The following SATB2 variants were observed in gnomAD, a reference collection of about 807,000 sequenced individuals.
The protein encoded by SATB2 is DNA-binding protein SATB2.
In SATB2, 1 loss-of-function variant was observed where a neutral mutation model predicts 73.4. That is an observed-to-expected ratio of 0.01 (90% CI 0.00 to 0.06). SATB2 has a LOEUF of 0.06. Among genes scored for constraint, SATB2 ranks in the 10% least tolerant of loss-of-function variants. SATB2 has a pLI of 1.00. For missense variants in SATB2, 459 were observed against 945.8 expected, an observed-to-expected ratio of 0.49 and a Z score of 6.75; for synonymous variants, 397 against 367.0, an observed-to-expected ratio of 1.08 and a Z score of -0.93.
intron 2 of SATB2, among the ~76,000 whole-genome samples, chr2:199,434,041 G>A (rs191271512): frequency 4.3e-4 from 66 of 152,068 alleles, no homozygotes; most frequent in African/African-American, 1.4e-3. Context: ...AGGTGGTATT[G>A]ATTTTAAGGC....
chr2:199,281,492 C>CACACACAG (rs750240257), intron 10 of SATB2, among the ~76,000 whole-genome samples: 1 of 151,730 alleles, frequency 6.6e-6, no homozygotes, highest in Admixed American at 6.6e-5. Flanking sequence ...TACACACACA[C>CACACACAG]ACAATTTTTT....
rs550825645 is a variant in SATB2 at position 199,391,325 on chromosome 2, T to G, written c.347-9505A>C. ...GTGGGCGCCTGTAGTCCCAGCTACT[T>G]GGGAGGCTGAGGCAGGAGAATGGCG... On this transcript the variant is annotated intron_variant, in intron 3 of 10. Transcript: ENST00000417098. 3.4e-5 allele frequency among the ~76,000 whole-genome samples: 5 copies of G among 147,888 alleles called. No homozygotes were observed. In the South Asian group the frequency reaches 1.1e-3, roughly 31 times the overall value.
At chr2:199,298,999 C>T (rs1362237784) in intron 10 of SATB2, among the ~76,000 whole-genome samples, 2 of 152,136 alleles carry the variant, frequency 1.3e-5, no homozygotes, top group African/African-American at 4.8e-5. Flanking sequence ...ACCTAACCTT[C>T]CAAGGACCAC....
At position 199,456,027 on chromosome 2, in the gene SATB2, C is replaced by T. The variant is rs1463296675; in HGVS notation, c.11G>A (p.Arg4Gln). ...GTCCCGCAGACACGGGCTCTCGCTC[C>T]GCCGCTCCATGCTGCTCCGACTCGG... The part of the protein sequence containing the change: MER[R>Q]SESPCLRDSP... The change falls in exon 2 of 11, where the codon CGG becomes CAG. Residue 4 changes from arginine to glutamine, a missense_variant. Physicochemically the swap from Arg to Gln is conservative, Grantham distance 43. Coordinates refer to ENST00000417098, the MANE Select transcript of SATB2 (RefSeq NM_001172509.2). 2.6e-6 allele frequency: 4 copies of T among 1,545,236 alleles called. No homozygotes were observed. Among genetic ancestry groups the T allele is most frequent in the Non-Finnish European group, 3.5e-6 (4 of 1,150,882 alleles).
intron 8 of SATB2, among the ~76,000 whole-genome samples, chr2:199,327,026 T>C (rs1164307890): frequency 6.6e-6 from 1 of 152,218 alleles, no homozygotes; most frequent in Non-Finnish European, 1.5e-5. Context: ...TAGGATACAA[T>C]TCTGCTTCTA....
chr2:199,359,296 A>G (rs1689071030), intron 6 of SATB2, among the ~76,000 whole-genome samples: 1 of 152,194 alleles, frequency 6.6e-6, no homozygotes, highest in African/African-American at 2.4e-5. Flanking sequence ...ACTAGCTGTG[A>G]AAACCTCAAA....
At chr2:199,466,760 G>A (rs1692600851), upstream of SATB2, among the ~76,000 whole-genome samples, 1 of 152,184 alleles carries the variant, frequency 6.6e-6, no homozygotes, top group South Asian at 2.1e-4. Context: ...TTTCAGTTGA[G>A]CTATTTTCTG....
chr2:199,319,067 C>T (rs1017453682), intron 9 of SATB2, among the ~76,000 whole-genome samples: 6 of 151,034 alleles, frequency 4.0e-5, no homozygotes, highest in Admixed American at 1.3e-4. Flanking sequence ...TCCACTTAAT[C>T]CTAATGTACA....
At chr2:199,277,852 A>C (rs1291746094) in intron 10 of SATB2, among the ~76,000 whole-genome samples, 1 of 152,166 alleles carries the variant, frequency 6.6e-6, no homozygotes, top group Admixed American at 6.5e-5. Flanking sequence ...TGATGGGAAA[A>C]CTGGAGTTCC....
At chr2:199,432,767 C>T (rs1229239165) in intron 3 of SATB2, among the ~76,000 whole-genome samples, 2 of 151,974 alleles carry the variant, frequency 1.3e-5, no homozygotes, top group African/African-American at 4.8e-5. Flanking sequence ...CAGTATTGTA[C>T]AATACGCACT....
chr2:199,333,029 C>T (rs1038634771), intron 7 of SATB2, among the ~76,000 whole-genome samples: 3 of 152,028 alleles, frequency 2.0e-5, no homozygotes, highest in Admixed American at 1.3e-4. Context: ...CTGTTCTTTA[C>T]GGCTCTCAGA....
upstream of SATB2, among the ~76,000 whole-genome samples, chr2:199,467,001 T>C (rs1176829008): frequency 6.6e-6 from 1 of 152,262 alleles, no homozygotes; most frequent in Admixed American, 6.5e-5. Context: ...GAAACTCAGA[T>C]AGAATCACAT....
chr2:199,271,596 A>C lies in SATB2; in HGVS notation c.*615T>G, dbSNP rs186107760. On this transcript the variant is annotated 3_prime_UTR_variant, in exon 11 of 11. Transcript: ENST00000417098. ...AATCAGGGACAAACACAAAAAATAA[A>C]TAGGAATTCAAAAATAGTCACCCCA... is the stretch of plus-strand genomic sequence containing the variant. 6.6e-6 allele frequency: 1 copy of C among 152,444 alleles called. No homozygotes were observed. The highest frequency in any genetic ancestry group is 6.6e-5 in the Admixed American group (1 of 15,256). 9.4% of individuals were successfully genotyped at this position (152,444 alleles called of 1,614,324 possible). A position where few individuals can be genotyped will look rare whatever the true frequency, so the allele number is the denominator to read the frequency against.
intron 10 of SATB2, among the ~76,000 whole-genome samples, chr2:199,292,742 A>G (rs1355720246): frequency 6.6e-6 from 1 of 152,204 alleles, no homozygotes; most frequent in Non-Finnish European, 1.5e-5. Context: ...AGCATCTGGA[A>G]AGCAGTTATA....
At chr2:199,293,088 G>C (rs1574478594) in intron 10 of SATB2, among the ~76,000 whole-genome samples, 1 of 152,118 alleles carries the variant, frequency 6.6e-6, no homozygotes, top group Admixed American at 6.5e-5. Flanking sequence ...TAAGAAAAGA[G>C]AATATTGTCC....
At chr2:199,452,516 T>C (rs1692153771) in intron 2 of SATB2, among the ~76,000 whole-genome samples, 2 of 152,190 alleles carry the variant, frequency 1.3e-5, no homozygotes, top group African/African-American at 2.4e-5. Flanking sequence ...TTCATCATCC[T>C]TAATAATCCC....
upstream of SATB2, among the ~76,000 whole-genome samples, chr2:199,460,238 C>T (rs1483448715): frequency 1.3e-5 from 2 of 151,810 alleles, no homozygotes; most frequent in Admixed American, 6.6e-5. The surrounding 1 kb of genome is among the most constrained non-coding windows in gnomAD (Gnocchi z 4.0). Context: ...AGTAAATCAA[C>T]CCGTGGTGGT....
chr2:199,349,643 A>T (rs953299978), intron 6 of SATB2, among the ~76,000 whole-genome samples: 6 of 152,234 alleles, frequency 3.9e-5, no homozygotes, highest in Non-Finnish European at 7.3e-5. Context: ...ATATTATTAT[A>T]CAGCTATGGA....
chr2:199,410,156 T>C (rs1690768796), intron 3 of SATB2, among the ~76,000 whole-genome samples: 1 of 152,228 alleles, frequency 6.6e-6, no homozygotes, highest in African/African-American at 2.4e-5. Flanking sequence ...ATAAAACCTT[T>C]GTTTAAAGGA....
Sources: allele counts gnomAD v4.1 joint callset (sites outside exome capture counted in the v4.1 genomes callset), GRCh38; gene constraint gnomAD v4.1.1; non-coding constraint Gnocchi (gnomAD v3.1); transcripts MANE v1.5; gene names NCBI Gene and HGNC (gene_info 2026-07-23, HGNC 2026-07-21).